ERMARD: variants seen among roughly 807,000 people sequenced by gnomAD.
ERMARD encodes the protein ER membrane associated RNA degradation.
Under a neutral mutation model 83.9 loss-of-function variants are expected in ERMARD, and 71 were observed. The observed-to-expected ratio is 0.85, with a 90% CI of 0.70 to 1.03. The LOEUF is 1.03. ERMARD is among the 50% of genes least tolerant of loss of function. The pLI is 0.00. For synonymous variants in ERMARD, 284 were observed against 298.6 expected, an observed-to-expected ratio of 0.95 and a Z score of 0.50; for missense variants, 838 against 810.9, an observed-to-expected ratio of 1.03 and a Z score of -0.41.
Position 169,762,457 on chromosome 6 carries a change from A to G in ERMARD, c.886A>G (p.Thr296Ala), listed in dbSNP as rs1791676215. The G allele has an allele frequency of 3.1e-6, 5 of 1,614,022 alleles. No individual in the cohort carries two copies. The Admixed American group carries it at 8.3e-5, about 27-fold the overall frequency. Residue 296 changes from threonine to alanine, a missense_variant, in exon 9 of 18, where the codon ACA becomes GCA. By Grantham distance (58) the Thr-to-Ala change is moderately conservative (BLOSUM62 0). Coordinates refer to ENST00000366773, the MANE Select transcript of ERMARD (RefSeq NM_018341.3). Reference sequence around the variant, plus strand: ...TGCTGACTGCGCCATATTGTTGCTGACACAACTGGAGACTGGACTTAGGAA... The same window carrying G: ...TGCTGACTGCGCCATATTGTTGCTGGCACAACTGGAGACTGGACTTAGGAA... ...RFADCAILLL[T>A]QLETGLRNVF...
intron 2 of ERMARD, among the ~76,000 whole-genome samples, chr6:169,754,786 T>G (rs2128341003): frequency 6.6e-6 from 1 of 152,302 alleles, no homozygotes; most frequent in African/African-American, 2.4e-5. Flanking sequence ...AAGTAGATGG[T>G]TAATCCCAAA....
rs1000444200 is a variant in ERMARD at position 169,769,669 on chromosome 6, C to G, written c.1189C>G (p.Leu397Val). The change falls in exon 12 of 18, where the codon CTG (leucine) becomes GTG (valine). Residue 397 changes from leucine (L) to valine (V), a missense_variant. By Grantham distance (32) the Leu-to-Val change is conservative. Coordinates refer to ENST00000366773, the MANE Select transcript of ERMARD (RefSeq NM_018341.3). ...TCAGTTGCTTGCATTTTCTCTTGTACTGCTACTCAGATTCGTTGATGACTG... is the reference window on the plus strand; with the variant it reads ...TCAGTTGCTTGCATTTTCTCTTGTAGTGCTACTCAGATTCGTTGATGACTG... The part of the protein sequence containing the change: ...TNQLLAFSLV[L>V]LLRFVDDCLL... The G allele has an allele frequency of 6.2e-7, 1 of 1,611,264 alleles. No individual in the cohort carries two copies. The highest frequency in any genetic ancestry group is 1.3e-5 in the African/African-American group (1 of 74,856).
chr6:169,779,309 A>G lies in ERMARD; in HGVS notation c.1853+14A>G. The G allele has an allele frequency of 6.2e-7, 1 of 1,606,916 alleles. No homozygotes were observed. On this transcript the variant is annotated intron_variant, in intron 17 of 17. Transcript: ENST00000366773. ...GCAGTACCTAAAGTAAGTGTGTCAC[A>G]GTATGTCTGCAGTCACATTGCATCG...
intron 13 of ERMARD, among the ~76,000 whole-genome samples, chr6:169,774,966 G>A (rs1379957991): frequency 1.3e-5 from 2 of 152,194 alleles, no homozygotes; most frequent in East Asian, 3.9e-4. Context: ...TTGGTTCCAG[G>A]CCAGTCGCCA....
chr6:169,752,715 CT>C (rs1250345697), intron 1 of ERMARD, among the ~76,000 whole-genome samples: 1 of 152,132 alleles, frequency 6.6e-6, no homozygotes, highest in Admixed American at 6.5e-5. Flanking sequence ...AAATAAAGAG[CT>C]TCGGTTCCGC....
In ERMARD at chr6:169,764,082, G is replaced by A. The variant is rs112044395; in HGVS notation, c.960+1551G>A. ...GTCTCGTGTTTCCCCAACACCTCCC[G>A]TGTCCACTCAGTGGCCAGCACAGCC... On this transcript the variant is annotated intron_variant, in intron 9 of 17. Transcript: ENST00000366773. Among the ~76,000 whole-genome samples the A allele has an allele frequency of 4.1e-3, 625 of 152,208 alleles. 2 individuals are homozygous for A. Among genetic ancestry groups the A allele is most frequent in the African/African-American group, 0.014 (569 of 41,520 alleles).
intron 7 of ERMARD, among the ~76,000 whole-genome samples, 186 bp from the exon 8 acceptor site, chr6:169,760,456 C>A (rs1791403296): frequency 6.6e-6 from 1 of 152,160 alleles, no homozygotes; most frequent in Non-Finnish European, 1.5e-5. Context: ...GCCCCACTTT[C>A]CAAGGGTCAC....
chr6:169,776,564 C>T lies in ERMARD; in HGVS notation c.1630C>T (p.Arg544Cys), dbSNP rs768643072. The change falls in exon 16 of 18, where the codon CGC (arginine) becomes TGC (cysteine). Residue 544 changes from arginine (R) to cysteine (C), a missense_variant. Coordinates refer to ENST00000366773, the MANE Select transcript of ERMARD (RefSeq NM_018341.3). ...GCTCCGAAGCATCAGCGAACAGTGC[C>T]GCCGTGTGTCCAGCCAGGTCACCGT... is the stretch of plus-strand genomic sequence containing the variant. ...VVLRSISEQC[R>C]RVSSQVTVAS... is the part of the protein sequence containing the mutation. 9 of 1,614,072 alleles carry T rather than the reference C, an allele frequency of 5.6e-6. No individual in the cohort carries two copies. Among genetic ancestry groups the T allele is most frequent in the South Asian group, 3.3e-5 (3 of 91,078 alleles).
Position 169,759,831 on chromosome 6 carries a change from T to G in ERMARD, c.606-7T>G. 6.2e-7 allele frequency: 1 copy of G among 1,610,522 alleles called. No individual in the cohort carries two copies. Among genetic ancestry groups the G allele is most frequent in the South Asian group, 1.1e-5 (1 of 90,662 alleles). Reference sequence around the variant, plus strand: ...TTTTTGTAACAGATCTCTATGGTATTTCCTAGATACTGTTCAATGATGATA... The same window carrying G: ...TTTTTGTAACAGATCTCTATGGTATGTCCTAGATACTGTTCAATGATGATA... On this transcript the variant is annotated splice_region_variant and splice_polypyrimidine_tract_variant and intron_variant, in intron 6 of 17. Coordinates refer to ENST00000366773, the MANE Select transcript of ERMARD (RefSeq NM_018341.3).
intron 16 of ERMARD, among the ~76,000 whole-genome samples, chr6:169,778,596 G>A (rs888464353): frequency 2.0e-5 from 3 of 152,126 alleles, no homozygotes; most frequent in African/African-American, 2.4e-5. Flanking sequence ...CATAGATATC[G>A]CTGGATTCCC....
At chr6:169,765,744 TAATA>T (rs1399396687) in intron 9 of ERMARD, among the ~76,000 whole-genome samples, 2 of 152,246 alleles carry the variant, frequency 1.3e-5, no homozygotes, top group Non-Finnish European at 2.9e-5. Context: ...TATTAAACAT[TAATA>T]AATCAAAAAA....
chr6:169,765,998 GCTGT>G (rs1792155484), intron 9 of ERMARD, among the ~76,000 whole-genome samples: 1 of 81,868 alleles, frequency 1.2e-5, no homozygotes, highest in Non-Finnish European at 2.4e-5. Context: ...ATTTCGTCAT[GCTGT>G]CTGTCAAATC....
intron 10 of ERMARD, chr6:169,767,331 A>G (rs375288991): frequency 2.8e-4 from 43 of 152,362 alleles, no homozygotes; most frequent in African/African-American, 1.0e-3. Flanking sequence ...AATGTGTAAG[A>G]CCTTTGGTAA....
At chr6:169,779,982 T>C (rs1794025112) in intron 17 of ERMARD, among the ~76,000 whole-genome samples, 1 of 152,220 alleles carries the variant, frequency 6.6e-6, no homozygotes, top group Non-Finnish European at 1.5e-5. Flanking sequence ...CCTCGGCTGC[T>C]AGGAAGTTCT....
At chr6:169,754,056 A>C (rs746982395) in intron 2 of ERMARD, 24 bp downstream of exon 2, 2 of 1,574,708 alleles carry the variant, frequency 1.3e-6, no homozygotes, top group Non-Finnish European at 1.7e-6. Context: ...TTGTACTCCA[A>C]ACTTTCATAA....
Position 169,756,355 on chromosome 6 carries a change from TG to T in ERMARD, c.334del (p.Asp112MetfsTer15), listed in dbSNP as rs1174808603. On this transcript the variant is annotated frameshift_variant, in exon 4 of 18. Coordinates refer to ENST00000366773, the MANE Select transcript of ERMARD (RefSeq NM_018341.3). LOFTEE classifies it high-confidence loss of function. ...GTAAATAGTTATTTCCTGAAATATT[TG>T]ATGCCTTGGAAAGTCTACAATCTCC... is the stretch of plus-strand genomic sequence containing the variant. ...SFPELFPEIF[D>X]ALESLQSPAI... 1.2e-6 allele frequency: 2 copies of T among 1,606,264 alleles called. No individual in the cohort carries two copies. The highest frequency in any genetic ancestry group is 2.2e-5 in the South Asian group (2 of 89,744).
chr6:169,772,880 T>G (rs1235113921), intron 12 of ERMARD, among the ~76,000 whole-genome samples: 1 of 150,100 alleles, frequency 6.7e-6, no homozygotes, highest in Non-Finnish European at 1.5e-5. Context: ...GACTTGGATT[T>G]TTAAGTTATG....
chr6:169,763,858 C>T (rs188590015), intron 9 of ERMARD, among the ~76,000 whole-genome samples: 18 of 152,388 alleles, frequency 1.2e-4, no homozygotes, highest in South Asian at 2.1e-4. Context: ...GCCCCGGAGC[C>T]GGGCTCCCCA....
intron 7 of ERMARD, among the ~76,000 whole-genome samples, chr6:169,760,355 C>T (rs1421258663): frequency 1.3e-5 from 2 of 152,208 alleles, no homozygotes; most frequent in Non-Finnish European, 2.9e-5. Context: ...GGGTCTTTTA[C>T]ACCTTCTGAA....
Sources: gnomAD v4.1 joint callset for allele counts (sites outside exome capture counted in the v4.1 genomes callset) on GRCh38, gnomAD v4.1.1 for gene constraint, MANE v1.5 for transcripts, NCBI Gene and HGNC (gene_info 2026-07-23, HGNC 2026-07-21) for gene names.